Variants in SLC30A1 observed in about 807,000 individuals in gnomAD.
The protein encoded by SLC30A1 is proton-coupled zinc antiporter SLC30A1.
Under a neutral mutation model 29.8 loss-of-function variants are expected in SLC30A1, and 7 were observed. The ratio of observed to expected loss-of-function variants is 0.23; its 90% confidence interval spans 0.13 to 0.44. The LOEUF is 0.44. SLC30A1 is among the 20% of genes least tolerant of loss of function. The probability of loss-of-function intolerance (pLI) is 1.00; values close to 1 mark genes in which losing one functional copy is unlikely to be tolerated. For missense variants in SLC30A1, 446 were observed against 647.9 expected, an observed-to-expected ratio of 0.69 and a Z score of 3.38; for synonymous variants, 254 against 253.5, an observed-to-expected ratio of 1.00 and a Z score of -0.02.
At position 211,572,733 on chromosome 1, in the gene SLC30A1, C is replaced by T. The variant is rs1706667946; in HGVS notation, c.*2655G>A. ...CAGACATCCTTCAGAAAAAACTAAG[C>T]AATCATAAAAGCTAAAAGGTGACAA... is the stretch of plus-strand genomic sequence containing the variant. On this transcript the variant is annotated 3_prime_UTR_variant, in exon 2 of 2. Transcript: ENST00000367001. 2.0e-5 allele frequency: 3 copies of T among 152,032 alleles called. No homozygotes were observed. The highest frequency in any genetic ancestry group is 7.2e-5 in the African/African-American group (3 of 41,424). 9.4% of individuals were successfully genotyped at this position (152,032 alleles called of 1,614,324 possible). A position where few individuals can be genotyped will look rare whatever the true frequency, so the allele number is the denominator to read the frequency against.
rs1307567661 is a variant in SLC30A1 at position 211,576,025 on chromosome 1, T to C, written c.887A>G (p.Glu296Gly). The change falls in exon 2 of 2, where the codon GAA (glutamate) becomes GGA (glycine). Residue 296 changes from glutamate (E) to glycine (G), a missense_variant. This residue lies in a region of SLC30A1 where 187 missense variants were observed against 312.7 expected (regional missense o/e 0.60). Transcript: ENST00000367001. ...CFPDPCKAFVEIINSTHASVY... is the reference protein window; with the variant it reads ...CFPDPCKAFVGIINSTHASVY... The stretch of plus-strand genomic sequence containing the variant: ...TGATGCATGAGTACTATTAATTATT[T>C]CTACAAATGCTTTGCAGGGGTCAGG... 3.1e-6 allele frequency: 5 copies of C among 1,613,220 alleles called. No individual in the cohort carries two copies. Among genetic ancestry groups the C allele is most frequent in the African/African-American group, 1.3e-5 (1 of 74,864 alleles).
chr1:211,578,107 C>G lies in SLC30A1; in HGVS notation c.506G>C (p.Arg169Pro). 6.2e-7 allele frequency: 1 copy of G among 1,610,556 alleles called. No individual in the cohort carries two copies. Among genetic ancestry groups the G allele is most frequent in the African/African-American group, 1.3e-5 (1 of 75,040 alleles). ...LPKGPRVKST[R>P]PGSSDINVAP... ...CACGTTGATGTCGCTGCTCCCGGGG[C>G]GGGTGCTCTTAACGCGAGGCCCCTT... Residue 169 changes from arginine (R) to proline (P), a missense_variant, in exon 1 of 2, where the codon CGC becomes CCC. Transcript: ENST00000367001.
At position 211,571,787 on chromosome 1, in the gene SLC30A1, T is replaced by TA. The variant is rs1706655901; in HGVS notation, c.*3600_*3601insT. 6.6e-6 allele frequency: 1 copy of TA among 152,162 alleles called. No homozygotes were observed. The highest frequency in any genetic ancestry group is 2.4e-5 in the African/African-American group (1 of 41,442). 9.4% of individuals were successfully genotyped at this position (152,162 alleles called of 1,614,324 possible). A position where few individuals can be genotyped will look rare whatever the true frequency, so the allele number is the denominator to read the frequency against. Reference sequence around the variant, plus strand: ...ATATTTTATCTGCATCTGTATTTAATGAGATGATAACTGCATTTAACTGGC... The same window carrying TA: ...ATATTTTATCTGCATCTGTATTTAATAGAGATGATAACTGCATTTAACTGGC... On this transcript the variant is annotated 3_prime_UTR_variant, in exon 2 of 2. Coordinates refer to ENST00000367001, the MANE Select transcript of SLC30A1 (RefSeq NM_021194.3).
At position 211,573,046 on chromosome 1, in the gene SLC30A1, T is replaced by C. The variant is rs899844085; in HGVS notation, c.*2342A>G. ...TCTTTCAGAAAGGAATAAGCTATTT[T>C]GAGAAAGACACTTAAATCCTACAAT... On this transcript the variant is annotated 3_prime_UTR_variant, in exon 2 of 2. Coordinates refer to ENST00000367001, the MANE Select transcript of SLC30A1 (RefSeq NM_021194.3). 1.3e-5 allele frequency: 2 copies of C among 152,088 alleles called. No homozygotes were observed. Among genetic ancestry groups the C allele is most frequent in the African/African-American group, 4.8e-5 (2 of 41,458 alleles). 9.4% of individuals were successfully genotyped at this position (152,088 alleles called of 1,614,324 possible).
Position 211,577,594 on chromosome 1 carries a change from G to T in SLC30A1, c.622+397C>A, listed in dbSNP as rs1345133656. On this transcript the variant is annotated intron_variant, in intron 1 of 1. Coordinates refer to ENST00000367001, the MANE Select transcript of SLC30A1 (RefSeq NM_021194.3). This position sits in a 1 kb window ranked among gnomAD's most constrained non-coding sequence, Gnocchi z 4.5. The stretch of plus-strand genomic sequence containing the variant: ...GGGATTCTCTCCGTTTCCCAAGAGG[G>T]CCAAGGAATTGAATTGGGAAGCATT... Among the ~76,000 whole-genome samples, 2 of 152,216 alleles carry T rather than the reference G, an allele frequency of 1.3e-5. No homozygotes were observed. The highest frequency in any genetic ancestry group is 2.9e-5 in the Non-Finnish European group (2 of 68,040).
In SLC30A1 at chr1:211,578,524, C is replaced by T; in HGVS notation, c.89G>A (p.Arg30Gln). Residue 30 changes from arginine to glutamine, a missense_variant, in exon 1 of 2, where the codon CGG becomes CAG. Coordinates refer to ENST00000367001, the MANE Select transcript of SLC30A1 (RefSeq NM_021194.3). ...MFMVLEVVVS[R>Q]VTSSLAMLSD... is the part of the protein sequence containing the mutation. ...GAGCATCGCCAGCGACGAGGTCACC[C>T]GGCTCACCACCACCTCCAGCACCAT... The T allele has an allele frequency of 6.2e-7, 1 of 1,611,014 alleles. No homozygotes were observed. Among genetic ancestry groups the T allele is most frequent in the Non-Finnish European group, 8.5e-7 (1 of 1,179,040 alleles).
chr1:211,576,906 T>G (rs1448565516), intron 1 of SLC30A1, among the ~76,000 whole-genome samples: 1 of 152,184 alleles, frequency 6.6e-6, no homozygotes, highest in Non-Finnish European at 1.5e-5. Context: ...ATCAAAAGTA[T>G]TGATCTTTTC....
chr1:211,575,344 T>C lies in SLC30A1; in HGVS notation c.*44A>G, dbSNP rs201790487. On this transcript the variant is annotated 3_prime_UTR_variant, in exon 2 of 2. Transcript: ENST00000367001. This position sits in a 1 kb window ranked among gnomAD's most constrained non-coding sequence, Gnocchi z 6.0. ...GAATTTCAGTGGAGTCTTTTTCCTC[T>C]TGCAGTTTAAAGCAAAAGTCAAATA... 1.4e-4 allele frequency: 214 copies of C among 1,493,630 alleles called. 1 individual carries two copies. The highest frequency in any genetic ancestry group is 1.3e-3 in the African/African-American group (96 of 71,360). 92.5% of individuals were successfully genotyped at this position (1,493,630 alleles called of 1,614,324 possible). A position where few individuals can be genotyped will look rare whatever the true frequency, so the allele number is the denominator to read the frequency against.
chr1:211,576,714 T>C (rs1160861975), intron 1 of SLC30A1, among the ~76,000 whole-genome samples: 1 of 152,236 alleles, frequency 6.6e-6, no homozygotes, highest in African/African-American at 2.4e-5. Context: ...CTAGTCACTC[T>C]TTGTCACTGA....
intron 1 of SLC30A1, 89 bp from the exon 2 acceptor site, chr1:211,576,378 T>G: frequency 1.1e-6 from 1 of 877,344 alleles, no homozygotes; most frequent in Non-Finnish European, 1.7e-6. Flanking sequence ...GTGATGAAGG[T>G]GAAAATTTTT....
chr1:211,575,269 T>G lies in SLC30A1; in HGVS notation c.*119A>C. On this transcript the variant is annotated 3_prime_UTR_variant, in exon 2 of 2. Coordinates refer to ENST00000367001, the MANE Select transcript of SLC30A1 (RefSeq NM_021194.3). The surrounding 1 kb of genome is among the most constrained non-coding windows in gnomAD (Gnocchi z 6.0). ...CATTATGTTCTTACAAAAATAGAAT[T>G]AAACTGTGTGACCAGACAAGGACTT... 1 of 816,470 alleles carries G rather than the reference T, an allele frequency of 1.2e-6. No individual in the cohort carries two copies. Among genetic ancestry groups the G allele is most frequent in the Non-Finnish European group, 2.0e-6 (1 of 507,212 alleles). The allele number at this position is 816,470 out of a possible 1,614,324, so 50.6% of individuals were successfully genotyped here. A position where few individuals can be genotyped will look rare whatever the true frequency, so the allele number is the denominator to read the frequency against.
Position 211,576,231 on chromosome 1 carries a change from G to C in SLC30A1, c.681C>G (p.Val227=), listed in dbSNP as rs1413022930. 6.2e-7 allele frequency: 1 copy of C among 1,612,070 alleles called. No individual in the cohort carries two copies. The highest frequency in any genetic ancestry group is 1.7e-5 in the Admixed American group (1 of 59,884). Residue 227 remains valine (V), a synonymous_variant, in exon 2 of 2, where the codon GTC becomes GTG. Transcript: ENST00000367001. ...CCAGTTCCATATGGTCAGGTTCTCT[G>C]ACAAGATTTCCATTCACTTGTACTT... ...TVEVQVNGNL[V]REPDHMELEE...
In SLC30A1 at chr1:211,578,575, C is replaced by A. The variant is rs756770672; in HGVS notation, c.38G>T (p.Cys13Phe). ...GAACATGAAGGTCAGCGCCAGCATG[C>A]ACAGCAGCCGGCCCCGGTTCCGACC... ...CWGRNRGRLLCMLALTFMFMV... is the reference protein window; with the variant it reads ...CWGRNRGRLLFMLALTFMFMV... Residue 13 changes from cysteine (C) to phenylalanine (F), a missense_variant, in exon 1 of 2, where the codon TGC (cysteine) becomes TTC (phenylalanine). Around this residue, in one of 5 missense-constraint regions of SLC30A1, gnomAD observed 62 missense variants for 91.5 expected, o/e 0.68. Coordinates refer to ENST00000367001, the MANE Select transcript of SLC30A1 (RefSeq NM_021194.3). 1.9e-6 allele frequency: 3 copies of A among 1,605,718 alleles called. No homozygotes were observed. In the South Asian group the frequency reaches 3.3e-5, roughly 18 times the overall value.
rs1415493016 is a variant in SLC30A1 at position 211,578,883 on chromosome 1, G to C, written c.-271C>G. On this transcript the variant is annotated 5_prime_UTR_variant, in exon 1 of 2. Coordinates refer to ENST00000367001, the MANE Select transcript of SLC30A1 (RefSeq NM_021194.3). ...AGAGCCGGCGCCGAGGCCCGGCTCA[G>C]CCTCAGCAGCCCCCACACCCAGGCG... 3.5e-6 allele frequency: 1 copy of C among 282,478 alleles called. No individual in the cohort carries two copies. The highest frequency in any genetic ancestry group is 6.3e-5 in the East Asian group (1 of 15,776). 17.5% of individuals were successfully genotyped at this position (282,478 alleles called of 1,614,324 possible).
rs1253515265 is a variant in SLC30A1, at chr1:211,578,252, C to G, written c.361G>C (p.Val121Leu). The change falls in exon 1 of 2, where the codon GTG (valine) becomes CTG (leucine). Residue 121 changes from valine to leucine, a missense_variant. Coordinates refer to ENST00000367001, the MANE Select transcript of SLC30A1 (RefSeq NM_021194.3). ...QQPLVVLGVG[V>L]AGLLVNVLGL... The stretch of plus-strand genomic sequence containing the variant: ...AGCACGTTGACCAGCAGCCCGGCCA[C>G]GCCGACCCCAAGGACCACCAGCGGC... The G allele has an allele frequency of 6.2e-7, 1 of 1,612,176 alleles. No homozygotes were observed.
Position 211,575,051 on chromosome 1 carries a change from TTTTA to T in SLC30A1, c.*333_*336del, listed in dbSNP as rs1706701416. ...AAAAGCAGAGAAATTCCAGTAACAA[TTTTA>T]TTTATCCCCCTAATTTTTATCATGG... On this transcript the variant is annotated 3_prime_UTR_variant, in exon 2 of 2. Coordinates refer to ENST00000367001, the MANE Select transcript of SLC30A1 (RefSeq NM_021194.3). This position sits in a 1 kb window ranked among gnomAD's most constrained non-coding sequence, Gnocchi z 6.0. The T allele has an allele frequency of 1.1e-5, 2 of 176,836 alleles. No homozygotes were observed. Among genetic ancestry groups the T allele is most frequent in the Admixed American group, 5.7e-5 (1 of 17,478 alleles). 11.0% of individuals were successfully genotyped at this position (176,836 alleles called of 1,614,324 possible).
rs990637207 is a variant in SLC30A1 at position 211,577,877 on chromosome 1, G to A, written c.622+114C>T. ...CGGGGAGGGAGCAGGCAGGGGCGGC[G>A]CGGCGCAGGCCCGCTCGGGCAGCAG... On this transcript the variant is annotated intron_variant, in intron 1 of 1. Coordinates refer to ENST00000367001, the MANE Select transcript of SLC30A1 (RefSeq NM_021194.3). The surrounding 1 kb of genome is among the most constrained non-coding windows in gnomAD (Gnocchi z 4.5). 1.2e-5 allele frequency: 16 copies of A among 1,388,698 alleles called. No individual in the cohort carries two copies. In the African/African-American group the frequency reaches 1.7e-4, roughly 15 times the overall value. The allele number at this position is 1,388,698 out of a possible 1,614,324, so 86.0% of individuals were successfully genotyped here. A position where few individuals can be genotyped will look rare whatever the true frequency, so the allele number is the denominator to read the frequency against.
Position 211,578,212 on chromosome 1 carries a change from A to G in SLC30A1, c.401T>C (p.Phe134Ser). Residue 134 changes from phenylalanine (F) to serine (S), a missense_variant, in exon 1 of 2, where the codon TTC becomes TCC. Coordinates refer to ENST00000367001, the MANE Select transcript of SLC30A1 (RefSeq NM_021194.3). ...CTGGCTGAAGCCGCTGTGATGGTGG[A>G]AGAGGCAGAGCCCCAGCACGTTGAC... is the stretch of plus-strand genomic sequence containing the variant. ...LLVNVLGLCLFHHHSGFSQDS... is the reference protein window; with the variant it reads ...LLVNVLGLCLSHHHSGFSQDS... The G allele has an allele frequency of 6.2e-7, 1 of 1,611,300 alleles. No homozygotes were observed. Among genetic ancestry groups the G allele is most frequent in the Admixed American group, 1.7e-5 (1 of 59,730 alleles).
chr1:211,578,403 GTTC>G lies in SLC30A1; in HGVS notation c.207_209del (p.Lys69del), dbSNP rs769620820. 6.2e-7 allele frequency: 1 copy of G among 1,613,528 alleles called. No individual in the cohort carries two copies. Among genetic ancestry groups the G allele is most frequent in the South Asian group, 1.1e-5 (1 of 91,042 alleles). ...CCTCGGCTCGGATCCAGCCGAACGT[GTTC>G]TTCTGGGTGGCGTGGGTCCGCCGGG... On this transcript the variant is annotated inframe_deletion, in exon 1 of 2. Coordinates refer to ENST00000367001, the MANE Select transcript of SLC30A1 (RefSeq NM_021194.3).
Sources: allele counts gnomAD v4.1 joint callset (sites outside exome capture counted in the v4.1 genomes callset), GRCh38; gene constraint gnomAD v4.1.1; regional missense constraint gnomAD v4.1.1; non-coding constraint Gnocchi (gnomAD v3.1); transcripts MANE v1.5; gene names NCBI Gene and HGNC (gene_info 2026-07-23, HGNC 2026-07-21).